LCOR: variants seen among roughly 807,000 people sequenced by gnomAD.
LCOR encodes the protein ligand dependent nuclear receptor corepressor, also known as ligand-dependent corepressor.
Under a neutral mutation model 64.4 loss-of-function variants are expected in LCOR, and 14 were observed. That is an observed-to-expected ratio of 0.22 (90% CI 0.14 to 0.34). LCOR has a LOEUF of 0.34. Among genes scored for constraint, LCOR ranks in the 10% least tolerant of loss-of-function variants. The pLI, the probability that LCOR is intolerant of heterozygous loss-of-function variation, is 1.00. For missense variants in LCOR, 1,686 were observed against 1,765.3 expected, an observed-to-expected ratio of 0.96 and a Z score of 0.80; for synonymous variants, 643 against 642.5, an observed-to-expected ratio of 1.00 and a Z score of -0.01.
At chr10:96,832,890 G>T in intron 1 of LCOR, 2 of 714,780 alleles carry the variant, frequency 2.8e-6, no homozygotes, top group Non-Finnish European at 3.4e-6. Context: ...CCCACGCGCG[G>T]GGCGCGCCCC....
intron 7 of LCOR, among the ~76,000 whole-genome samples, chr10:96,970,653 A>ATTTATTTTATTTTATTTTATTTTATTTAT (rs879732420): frequency 4.7e-4 from 66 of 140,862 alleles, no homozygotes; most frequent in African/African-American, 1.3e-3. Flanking sequence ...ATTTTATTTT[A>ATTTATTTTATTTTATTTTATTTTATTTAT]TTTATTTTAT....
intron 2 of LCOR, among the ~76,000 whole-genome samples, chr10:96,895,069 C>T (rs964080689): frequency 2.0e-5 from 3 of 152,124 alleles, no homozygotes; most frequent in African/African-American, 7.2e-5. Context: ...TTATCTAGTT[C>T]TAAAGCTTTA....
intron 2 of LCOR, among the ~76,000 whole-genome samples, chr10:96,888,418 T>C (rs184228841): frequency 6.9e-6 from 1 of 145,610 alleles, no homozygotes; most frequent in East Asian, 2.0e-4. Context: ...CAATTTCAGC[T>C]TCCAAGAAAA....
At chr10:96,922,389 A>G (rs1847095946) in intron 4 of LCOR, among the ~76,000 whole-genome samples, 1 of 152,202 alleles carries the variant, frequency 6.6e-6, no homozygotes, top group Non-Finnish European at 1.5e-5. Flanking sequence ...AATAGAAGTA[A>G]ATACACAAGT....
intron 2 of LCOR, among the ~76,000 whole-genome samples, chr10:96,848,947 A>G (rs567853916): frequency 3.6e-5 from 5 of 140,286 alleles, no homozygotes; most frequent in South Asian, 2.3e-4. Flanking sequence ...AAATAGATCT[A>G]TGTTTTTGAA....
intron 4 of LCOR, among the ~76,000 whole-genome samples, chr10:96,927,641 G>A (rs1847191821): frequency 6.6e-6 from 1 of 152,004 alleles, no homozygotes; most frequent in Non-Finnish European, 1.5e-5. Flanking sequence ...TTTTCTATAT[G>A]GTGTGAGGTA....
chr10:96,897,113 A>C (rs1044919371), intron 2 of LCOR, among the ~76,000 whole-genome samples: 2 of 151,702 alleles, frequency 1.3e-5, no homozygotes, highest in Admixed American at 6.6e-5. Context: ...AAAAAAAAAA[A>C]AAAACCCAAA....
intron 7 of LCOR, among the ~76,000 whole-genome samples, chr10:96,971,471 G>T (rs1047671145): frequency 5.3e-5 from 8 of 152,280 alleles, no homozygotes; most frequent in Middle Eastern, 3.4e-3. Context: ...CCTAGAGGAG[G>T]TTCACAGTCC....
At chr10:96,958,646 C>G (rs764612497) in intron 7 of LCOR, 46 of 560,624 alleles carry the variant, frequency 8.2e-5, no homozygotes, top group Non-Finnish European at 1.4e-4. Context: ...GTCTGTGAAG[C>G]TTTTAAACAT....
chr10:96,924,461 C>CA (rs1589659780), intron 4 of LCOR, among the ~76,000 whole-genome samples: 1 of 151,732 alleles, frequency 6.6e-6, no homozygotes, highest in African/African-American at 2.4e-5. Flanking sequence ...AGGCTGGTCT[C>CA]AAAGTCCTGA....
At position 96,903,225 on chromosome 10, in the gene LCOR, C is replaced by A. The variant is rs186888872; in HGVS notation, c.-329-4040C>A. Among the ~76,000 whole-genome samples, 3 of 152,250 alleles carry A rather than the reference C, an allele frequency of 2.0e-5. No homozygotes were observed. The East Asian group carries it at 5.8e-4, about 29-fold the overall frequency. On this transcript the variant is annotated intron_variant, in intron 2 of 7. Transcript: ENST00000421806. ...AGGCCTAGAATGTTGCTGTACGCTA[C>A]TGTAGACTTATAAATACTGTACACT...
chr10:96,893,498 C>T (rs1846481118), intron 2 of LCOR, among the ~76,000 whole-genome samples: 1 of 152,138 alleles, frequency 6.6e-6, no homozygotes, highest in Admixed American at 6.5e-5. Flanking sequence ...GGCACAGTGG[C>T]TCACACCTGT....
intron 2 of LCOR, among the ~76,000 whole-genome samples, chr10:96,893,349 A>G (rs1589637112): frequency 6.6e-6 from 1 of 152,220 alleles, no homozygotes; most frequent in Admixed American, 6.5e-5. Flanking sequence ...TTTGCTTCCT[A>G]ACACTTTATA....
At chr10:96,927,745 T>G (rs1847193212) in intron 4 of LCOR, among the ~76,000 whole-genome samples, 1 of 152,202 alleles carries the variant, frequency 6.6e-6, no homozygotes, top group Non-Finnish European at 1.5e-5. Flanking sequence ...TACCTTGACA[T>G]CTTTGTTTGG....
chr10:96,953,089 C>T (rs1338357575), intron 7 of LCOR, among the ~76,000 whole-genome samples: 2 of 152,116 alleles, frequency 1.3e-5, no homozygotes, highest in South Asian at 4.2e-4. Flanking sequence ...TTACAGACTT[C>T]TAAAATCTCC....
chr10:96,833,017 G>A, intron 1 of LCOR: 3 of 985,504 alleles, frequency 3.0e-6, no homozygotes, highest in Non-Finnish European at 3.6e-6. Flanking sequence ...CCCCGGGTGC[G>A]CCTGACCGAG....
rs1005023577 is a variant in LCOR at position 96,993,368 on chromosome 10, T to C, written c.*8234T>C. 6.6e-6 allele frequency: 1 copy of C among 152,244 alleles called. No homozygotes were observed. Among genetic ancestry groups the C allele is most frequent in the African/African-American group, 2.4e-5 (1 of 41,460 alleles). The allele number at this position is 152,244 out of a possible 1,614,324, so 9.4% of individuals were successfully genotyped here. A position where few individuals can be genotyped will look rare whatever the true frequency, so the allele number is the denominator to read the frequency against. Reference sequence around the variant, plus strand: ...TTCTAGGAGACTTTGTAAGCAAATCTGATTTTAAGATGAAATGTGAATGAG... The same window carrying C: ...TTCTAGGAGACTTTGTAAGCAAATCCGATTTTAAGATGAAATGTGAATGAG... On this transcript the variant is annotated 3_prime_UTR_variant, in exon 8 of 8. Coordinates refer to ENST00000421806, the MANE Select transcript of LCOR (RefSeq NM_001346516.2).
At chr10:96,955,039 G>C in intron 7 of LCOR, 1 of 1,614,146 alleles carries the variant, frequency 6.2e-7, no homozygotes. Context: ...GATGGAACCA[G>C]GGAAGGTTTT....
At chr10:96,850,108 G>C (rs796134294) in intron 2 of LCOR, among the ~76,000 whole-genome samples, 2 of 152,226 alleles carry the variant, frequency 1.3e-5, no homozygotes, top group Admixed American at 6.5e-5. Flanking sequence ...AATTATTAAA[G>C]TTCTAGGTTG....
Sources: gnomAD v4.1 joint callset for allele counts (sites outside exome capture counted in the v4.1 genomes callset) on GRCh38, gnomAD v4.1.1 for gene constraint, MANE v1.5 for transcripts, NCBI Gene and HGNC (gene_info 2026-07-23, HGNC 2026-07-21) for gene names.